The following MACROD2 variants were observed in gnomAD, a reference collection of about 807,000 sequenced individuals.
MACROD2 encodes the protein mono-ADP ribosylhydrolase 2.
In MACROD2, 36 loss-of-function variants were observed where a neutral mutation model predicts 70.4. That is an observed-to-expected ratio of 0.51 (90% CI 0.39 to 0.68). The LOEUF is 0.68. Ranked by LOEUF, MACROD2 falls within the 30% of genes least tolerant of loss-of-function variation. The pLI, the probability that MACROD2 is intolerant of heterozygous loss-of-function variation, is 0.00. For missense variants in MACROD2, 496 were observed against 538.4 expected, an observed-to-expected ratio of 0.92 and a Z score of 0.78; for synonymous variants, 172 against 178.8, an observed-to-expected ratio of 0.96 and a Z score of 0.30.
rs867268056 is a variant in MACROD2, at chr20:15,672,861, G to A, written c.645+173014G>A. Among the ~76,000 whole-genome samples, 22 of 152,242 alleles carry A rather than the reference G, an allele frequency of 1.4e-4. No individual in the cohort carries two copies. The Middle Eastern group carries it at 0.014, about 94-fold the overall frequency. Reference sequence around the variant, plus strand: ...TCACATGTCGTGGGAGGGGCCCGGTGGTAGGTAATTGAATGATGGGTCTTT... The same window carrying A: ...TCACATGTCGTGGGAGGGGCCCGGTAGTAGGTAATTGAATGATGGGTCTTT... On this transcript the variant is annotated intron_variant, in intron 8 of 17. Coordinates refer to ENST00000684519, the MANE Select transcript of MACROD2 (RefSeq NM_001351661.2).
Position 15,402,943 on chromosome 20 carries a change from G to GT in MACROD2, c.541-28454dup, listed in dbSNP as rs557691858. On this transcript the variant is annotated intron_variant, in intron 6 of 17. Transcript: ENST00000684519. ...CTGAAGAGAGGTCCTCTTAACAGGT[G>GT]TTTTTTTTGTTTTGTTTTGTTTTTT... Among the ~76,000 whole-genome samples, 1,039 of 151,684 alleles carry GT rather than the reference G, an allele frequency of 6.8e-3. 8 individuals carry two copies. The highest frequency in any genetic ancestry group is 0.054 in the South Asian group (259 of 4,784).
intron 8 of MACROD2, among the ~76,000 whole-genome samples, chr20:15,610,476 A>G (rs1215566375): frequency 1.3e-5 from 2 of 152,090 alleles, no homozygotes; most frequent in African/African-American, 4.8e-5. Flanking sequence ...TAGACTTCAC[A>G]TGGCCCTCTC....
chr20:15,736,258 A>T (rs1385360633), intron 8 of MACROD2, among the ~76,000 whole-genome samples: 1 of 152,228 alleles, frequency 6.6e-6, no homozygotes, highest in Non-Finnish European at 1.5e-5. Flanking sequence ...TCCAACAAGA[A>T]TTCAAAGGAC....
rs559407054 is a variant in MACROD2, at chr20:15,256,175, T to A, written c.540+26114T>A. On this transcript the variant is annotated intron_variant, in intron 6 of 17. Coordinates refer to ENST00000684519, the MANE Select transcript of MACROD2 (RefSeq NM_001351661.2). Reference sequence around the variant, plus strand: ...GAGATTTTTAAACAATTACACAAAGTAATTCTTGTGTTTTATTTATTCAGT... The same window carrying A: ...GAGATTTTTAAACAATTACACAAAGAAATTCTTGTGTTTTATTTATTCAGT... Among the ~76,000 whole-genome samples, 5 of 152,218 alleles carry A rather than the reference T, an allele frequency of 3.3e-5. No individual in the cohort carries two copies. The East Asian group carries it at 9.7e-4, about 29-fold the overall frequency.
At chr20:14,784,821 G>A (rs1042928446) in intron 5 of MACROD2, among the ~76,000 whole-genome samples, 1 of 151,990 alleles carries the variant, frequency 6.6e-6, no homozygotes, top group Non-Finnish European at 1.5e-5. Flanking sequence ...CCTTGGAGCA[G>A]TAGATGTAAC....
intron 2 of MACROD2, among the ~76,000 whole-genome samples, chr20:14,023,584 G>A (rs1320100356): frequency 2.0e-5 from 3 of 152,174 alleles, no homozygotes; most frequent in African/African-American, 4.8e-5. Flanking sequence ...TGTATAAGGT[G>A]TAAGGAAGGG....
chr20:14,586,342 G>C (rs1470866180), intron 4 of MACROD2, among the ~76,000 whole-genome samples: 1 of 151,968 alleles, frequency 6.6e-6, no homozygotes, highest in African/African-American at 2.4e-5. Flanking sequence ...TTCTTAGAAT[G>C]TTCTAGATAG....
At chr20:14,638,933 G>C (rs892044283) in intron 4 of MACROD2, among the ~76,000 whole-genome samples, 17 of 146,184 alleles carry the variant, frequency 1.2e-4, no homozygotes, top group Non-Finnish European at 2.1e-4. Flanking sequence ...CTGGGCGACA[G>C]AGCAAGACTA....
chr20:15,289,325 C>T (rs1246693483), intron 6 of MACROD2, among the ~76,000 whole-genome samples: 5 of 152,078 alleles, frequency 3.3e-5, no homozygotes, highest in African/African-American at 9.7e-5. Context: ...AAAGGGAGAA[C>T]GAGCTTCTAG....
intron 4 of MACROD2, among the ~76,000 whole-genome samples, chr20:14,629,985 A>C (rs1164979449): frequency 6.6e-6 from 1 of 151,866 alleles, no homozygotes; most frequent in Non-Finnish European, 1.5e-5. Flanking sequence ...CTATCTATCT[A>C]TCTATCTATC....
At chr20:15,731,759 A>T (rs76652743) in intron 8 of MACROD2, among the ~76,000 whole-genome samples, 13,976 of 49,056 alleles carry the variant, frequency 0.28, 6,133 homozygotes, top group African/African-American at 0.43. Flanking sequence ...TTTTCTTTTT[A>T]TTTTTTTTTT....
intron 3 of MACROD2, among the ~76,000 whole-genome samples, chr20:14,335,086 G>A (rs1263804458): frequency 1.3e-5 from 2 of 152,180 alleles, no homozygotes; most frequent in Non-Finnish European, 2.9e-5. Flanking sequence ...TCCCTGCACT[G>A]ATTTTTGTAG....
intron 2 of MACROD2, among the ~76,000 whole-genome samples, chr20:14,085,024 T>TGGGGGGTG (rs1339851321): frequency 5.7e-4 from 4 of 6,962 alleles, no homozygotes; most frequent in Non-Finnish European, 8.7e-4. Flanking sequence ...GCTACTTGGT[T>TGGGGGGTG]GGGGGGTGGG....
chr20:14,609,530 TG>T (rs1185313361), intron 4 of MACROD2, among the ~76,000 whole-genome samples: 1 of 152,148 alleles, frequency 6.6e-6, no homozygotes, highest in East Asian at 1.9e-4. Context: ...AGTTAGAGTG[TG>T]TACTTTTTTC....
At chr20:14,888,122 G>T (rs1056265600) in intron 5 of MACROD2, 5 of 152,120 alleles carry the variant, frequency 3.3e-5, no homozygotes, top group African/African-American at 9.7e-5. Flanking sequence ...TTATTGGTTG[G>T]TTTTTTCTCA....
chr20:15,155,070 A>T (rs1041091063), intron 5 of MACROD2, among the ~76,000 whole-genome samples: 10 of 152,008 alleles, frequency 6.6e-5, no homozygotes, highest in African/African-American at 1.9e-4. Context: ...TAATAGCAAC[A>T]GATAATAAGG....
intron 5 of MACROD2, among the ~76,000 whole-genome samples, chr20:14,872,921 G>C (rs993192963): frequency 1.3e-5 from 2 of 152,082 alleles, no homozygotes; most frequent in South Asian, 2.1e-4. Flanking sequence ...GAGAATGAAT[G>C]CAGGAGGAAC....
At chr20:14,586,691 CA>C (rs1981401387) in intron 4 of MACROD2, among the ~76,000 whole-genome samples, 1 of 152,050 alleles carries the variant, frequency 6.6e-6, no homozygotes, top group Non-Finnish European at 1.5e-5. Context: ...TCTTGCTTTA[CA>C]AAAGTTAGTG....
In MACROD2 at chr20:15,050,437, C is replaced by T. The variant is rs962833476; in HGVS notation, c.419-179503C>T. 1.1e-4 allele frequency among the ~76,000 whole-genome samples: 16 copies of T among 151,190 alleles called. 1 individual carries two copies. Among genetic ancestry groups the T allele is most frequent in the South Asian group, 2.1e-4 (1 of 4,812 alleles). The stretch of plus-strand genomic sequence containing the variant: ...AATTCAATTACAAAATAAAAATACT[C>T]GATACTCATATATAAAAAGTAACAT... On this transcript the variant is annotated intron_variant, in intron 5 of 17. Coordinates refer to ENST00000684519, the MANE Select transcript of MACROD2 (RefSeq NM_001351661.2).
Sources: gnomAD v4.1 joint callset for allele counts (sites outside exome capture counted in the v4.1 genomes callset) on GRCh38, gnomAD v4.1.1 for gene constraint, MANE v1.5 for transcripts, NCBI Gene and HGNC (gene_info 2026-07-23, HGNC 2026-07-21) for gene names.